PCDHGB2: variants seen among roughly 807,000 people sequenced by gnomAD.
The protein encoded by PCDHGB2 is protocadherin gamma subfamily B, 2, also known as protocadherin gamma-B2.
Under a neutral mutation model 59.3 loss-of-function variants are expected in PCDHGB2, and 55 were observed. The ratio of observed to expected loss-of-function variants is 0.93; its 90% confidence interval spans 0.75 to 1.16. PCDHGB2 has a LOEUF of 1.16. Among genes scored for constraint, PCDHGB2 ranks in the 50% most tolerant of loss-of-function variants. The pLI is 0.00. For synonymous variants in PCDHGB2, 516 were observed against 512.0 expected (o/e 1.01, Z -0.11); for missense variants, 1,228 against 1,198.5 (o/e 1.02, Z -0.36).
intron 1 of PCDHGB2, chr5:141,365,140 T>A (rs1248275152): frequency 6.2e-7 from 1 of 1,613,764 alleles, no homozygotes; most frequent in African/African-American, 1.3e-5. Flanking sequence ...CGGATCCAGA[T>A]GAGGGAATAA....
intron 3 of PCDHGB2, among the ~76,000 whole-genome samples, chr5:141,507,861 C>T (rs538942097): frequency 7.0e-4 from 106 of 152,306 alleles, no homozygotes; most frequent in African/African-American, 2.5e-3. Flanking sequence ...CTTTCACACC[C>T]GCTTCCTAGC....
chr5:141,485,274 C>T lies in PCDHGB2; in HGVS notation c.2422-9533C>T. On this transcript the variant is annotated intron_variant, in intron 1 of 3. Transcript: ENST00000522605. The surrounding 1 kb of genome is among the most constrained non-coding windows in gnomAD (Gnocchi z 5.7). Reference sequence around the variant, plus strand: ...TACGTTTGTGGGCAGATCCGCTACCCGGTCCCAGAGGAGTCACAGGAAGGG... The same window carrying T: ...TACGTTTGTGGGCAGATCCGCTACCTGGTCCCAGAGGAGTCACAGGAAGGG... The T allele has an allele frequency of 6.2e-7, 1 of 1,614,106 alleles. No individual in the cohort carries two copies. Among genetic ancestry groups the T allele is most frequent in the South Asian group, 1.1e-5 (1 of 91,086 alleles).
Position 141,486,059 on chromosome 5 carries a change from C to A in PCDHGB2, c.2422-8748C>A. On this transcript the variant is annotated intron_variant, in intron 1 of 3. Transcript: ENST00000522605. This position sits in a 1 kb window ranked among gnomAD's most constrained non-coding sequence, Gnocchi z 5.0. ...TCGTGTAAGAAACCTCTTTAGCCTG[C>A]ACCCCACTACTGGAAAGCTTACTCT... 1 of 1,614,152 alleles carries A rather than the reference C, an allele frequency of 6.2e-7. No homozygotes were observed. Among genetic ancestry groups the A allele is most frequent in the Non-Finnish European group, 8.5e-7 (1 of 1,180,010 alleles).
At chr5:141,418,201 A>G (rs2096236241) in intron 1 of PCDHGB2, 1 of 1,614,020 alleles carries the variant, frequency 6.2e-7, no homozygotes, top group Non-Finnish European at 8.5e-7. Flanking sequence ...AAAATCCTTT[A>G]AATATTTTTC....
chr5:141,399,203 G>C, intron 1 of PCDHGB2: 1 of 1,613,940 alleles, frequency 6.2e-7, no homozygotes, highest in Middle Eastern at 1.6e-4. Context: ...GCGGTGCCTG[G>C]AACACTAATT....
In PCDHGB2 at chr5:141,491,893, G is replaced by C. The variant is rs2099734820; in HGVS notation, c.2422-2914G>C. The C allele has an allele frequency of 6.9e-7, 1 of 1,438,856 alleles. No individual in the cohort carries two copies. The highest frequency in any genetic ancestry group is 9.2e-7 in the Non-Finnish European group (1 of 1,088,104). 89.1% of individuals were successfully genotyped at this position (1,438,856 alleles called of 1,614,324 possible). A position where few individuals can be genotyped will look rare whatever the true frequency, so the allele number is the denominator to read the frequency against. ...GGCCGATTAAGGGATGGGGCTCCGA[G>C]CACCGGGGGTGGTGGCGACTGTGGG... On this transcript the variant is annotated intron_variant, in intron 1 of 3. Coordinates refer to ENST00000522605, the MANE Select transcript of PCDHGB2 (RefSeq NM_018923.3). The surrounding 1 kb of genome is among the most constrained non-coding windows in gnomAD (Gnocchi z 6.9).
At chr5:141,419,096 G>T in intron 1 of PCDHGB2, 9 of 1,613,918 alleles carry the variant, frequency 5.6e-6, no homozygotes, top group Non-Finnish European at 7.6e-6. Context: ...CCTGGATCGG[G>T]AGCAGACCCC....
intron 1 of PCDHGB2, chr5:141,374,774 A>G: frequency 6.2e-7 from 1 of 1,613,822 alleles, no homozygotes; most frequent in Non-Finnish European, 8.5e-7. Context: ...AATTCTGGTA[A>G]CAGTTCTAGA....
chr5:141,477,229 C>T lies in PCDHGB2; in HGVS notation c.2422-17578C>T. ...AGGATGCCCCTCTGGGGACTGTCAT[C>T]GCTTTGCTCAGTGTGACTGACCTGG... On this transcript the variant is annotated intron_variant, in intron 1 of 3. Transcript: ENST00000522605. The surrounding 1 kb of genome is among the most constrained non-coding windows in gnomAD (Gnocchi z 4.9). 6.2e-7 allele frequency: 1 copy of T among 1,614,222 alleles called. No homozygotes were observed. Among genetic ancestry groups the T allele is most frequent in the Non-Finnish European group, 8.5e-7 (1 of 1,180,052 alleles).
In PCDHGB2 at chr5:141,512,809, A is replaced by C. The variant is rs2099884438; in HGVS notation, c.*1636A>C. ...GTGTTTTGTGCTGTGTCCACGCGCT[A>C]AGGCGACCCCCTCCCCCGTACTGAC... On this transcript the variant is annotated 3_prime_UTR_variant, in exon 4 of 4. Coordinates refer to ENST00000522605, the MANE Select transcript of PCDHGB2 (RefSeq NM_018923.3). 6.6e-6 allele frequency: 1 copy of C among 152,130 alleles called. No homozygotes were observed. The highest frequency in any genetic ancestry group is 2.4e-5 in the African/African-American group (1 of 41,404). The allele number at this position is 152,130 out of a possible 1,614,324, so 9.4% of individuals were successfully genotyped here. A position where few individuals can be genotyped will look rare whatever the true frequency, so the allele number is the denominator to read the frequency against.
chr5:141,459,311 T>A (rs1298312167), intron 1 of PCDHGB2, among the ~76,000 whole-genome samples: 1 of 152,250 alleles, frequency 6.6e-6, no homozygotes, highest in Non-Finnish European at 1.5e-5. Flanking sequence ...TATACTATTT[T>A]GTATCCATCT....
chr5:141,409,459 T>A lies in PCDHGB2; in HGVS notation c.2421+46903T>A, dbSNP rs139792503. 3.7e-6 allele frequency: 6 copies of A among 1,613,832 alleles called. 1 individual carries two copies. The highest frequency in any genetic ancestry group is 3.3e-4 in the Middle Eastern group (2 of 6,084). ...ACCGAGAGCAGACACCAGAATACAATGTCACCATCGTAGCCACTGACAGGG... is the reference window on the plus strand; with the variant it reads ...ACCGAGAGCAGACACCAGAATACAAAGTCACCATCGTAGCCACTGACAGGG... On this transcript the variant is annotated intron_variant, in intron 1 of 3. Transcript: ENST00000522605.
At chr5:141,364,270 G>A (rs1358806015) in intron 1 of PCDHGB2, 1 of 1,513,876 alleles carries the variant, frequency 6.6e-7, no homozygotes, top group African/African-American at 1.4e-5. Flanking sequence ...ATCGGCTTTA[G>A]ATAAATAAGG....
chr5:141,375,744 A>G lies in PCDHGB2; in HGVS notation c.2421+13188A>G, dbSNP rs573966652. The G allele has an allele frequency of 9.3e-6, 15 of 1,614,188 alleles. No individual in the cohort carries two copies. The South Asian group carries it at 1.6e-4, about 18-fold the overall frequency. ...GTGTCACTGAGCCTGTTTGTGCTGGACCAGAATGACAATGCGCCCGAGATC... is the reference window on the plus strand; with the variant it reads ...GTGTCACTGAGCCTGTTTGTGCTGGGCCAGAATGACAATGCGCCCGAGATC... On this transcript the variant is annotated intron_variant, in intron 1 of 3. Transcript: ENST00000522605.
intron 1 of PCDHGB2, among the ~76,000 whole-genome samples, chr5:141,425,919 GA>G (rs2096903434): frequency 6.6e-6 from 1 of 152,056 alleles, no homozygotes; most frequent in African/African-American, 2.4e-5. Flanking sequence ...CAGTCACTAC[GA>G]AAACTCATAA....
chr5:141,390,300 T>C, intron 1 of PCDHGB2: 2 of 1,613,822 alleles, frequency 1.2e-6, no homozygotes, highest in Non-Finnish European at 1.7e-6. Flanking sequence ...CCTTTAAGTA[T>C]AATTTAATGC....
At chr5:141,408,052 C>G in intron 1 of PCDHGB2, 1 of 1,283,102 alleles carries the variant, frequency 7.8e-7, no homozygotes, top group Non-Finnish European at 1.0e-6. Flanking sequence ...CACACAGAGC[C>G]TCCCGGCTGC....
rs551220443 is a variant in PCDHGB2, at chr5:141,432,206, G to A, written c.2422-62601G>A. On this transcript the variant is annotated intron_variant, in intron 1 of 3. Transcript: ENST00000522605. The surrounding 1 kb of genome is among the most constrained non-coding windows in gnomAD (Gnocchi z 6.0). ...GACCGCCCACGACCCCGACTGTGAA[G>A]AGAACGCCCAGATCACTTATTCCCT... The A allele has an allele frequency of 6.2e-7, 1 of 1,614,096 alleles. No individual in the cohort carries two copies. Among genetic ancestry groups the A allele is most frequent in the Non-Finnish European group, 8.5e-7 (1 of 1,180,042 alleles).
chr5:141,421,455 C>A (rs762490406), intron 1 of PCDHGB2: 1 of 1,614,108 alleles, frequency 6.2e-7, no homozygotes, highest in South Asian at 1.1e-5. Flanking sequence ...CACAGCTTTT[C>A]GCTGTGAATC....
Sources: allele counts gnomAD v4.1 joint callset (sites outside exome capture counted in the v4.1 genomes callset), GRCh38; gene constraint gnomAD v4.1.1; non-coding constraint Gnocchi (gnomAD v3.1); transcripts MANE v1.5; gene names NCBI Gene and HGNC (gene_info 2026-07-23, HGNC 2026-07-21).